The following CMTM6 variants were observed in gnomAD, a reference collection of about 807,000 sequenced individuals.
CMTM6 encodes the protein CKLF like MARVEL transmembrane domain containing 6.
CMTM6 carries 5 observed loss-of-function variants against 13.6 expected under a neutral mutation model. That is an observed-to-expected ratio of 0.37 (90% CI 0.19 to 0.77). The LOEUF (loss-of-function observed/expected upper bound fraction) is 0.77. Among genes scored for constraint, CMTM6 ranks in the 30% least tolerant of loss-of-function variants. The pLI is 0.50. For missense variants in CMTM6, 196 were observed against 218.6 expected, an observed-to-expected ratio of 0.90 and a Z score of 0.65; for synonymous variants, 99 against 84.5, an observed-to-expected ratio of 1.17 and a Z score of -0.94.
chr3:32,492,332 A>G (rs1697256648), intron 1 of CMTM6, among the ~76,000 whole-genome samples: 1 of 152,178 alleles, frequency 6.6e-6, no homozygotes, highest in Non-Finnish European at 1.5e-5. Flanking sequence ...TACAGACAAC[A>G]CACACCCCGA....
chr3:32,487,889 A>G (rs1559423956), intron 3 of CMTM6, 49 bp downstream of exon 3: 1 of 1,357,328 alleles, frequency 7.4e-7, no homozygotes. Flanking sequence ...CAAATTCCAT[A>G]TTTCTAAGGA....
intron 3 of CMTM6, 124 bp downstream of exon 3, chr3:32,487,814 T>C (rs1283354553): frequency 1.7e-6 from 1 of 594,598 alleles, no homozygotes; most frequent in Non-Finnish European, 2.9e-6. Flanking sequence ...TATTCAAAAT[T>C]ACACTAAAAA....
Position 32,502,818 on chromosome 3 carries a change from A to T in CMTM6, c.-73T>A. ...TTCTCGGACTCCAGAAGTCCCCGGT[A>T]GCCGGGAGGCGGCCGTCACTTCCTG... is the stretch of plus-strand genomic sequence containing the variant. On this transcript the variant is annotated 5_prime_UTR_variant, in exon 1 of 4. Coordinates refer to ENST00000205636, the MANE Select transcript of CMTM6 (RefSeq NM_017801.3). The T allele has an allele frequency of 4.4e-6, 6 of 1,353,980 alleles. No homozygotes were observed. Among genetic ancestry groups the T allele is most frequent in the Non-Finnish European group, 5.7e-6 (6 of 1,053,026 alleles). The allele number at this position is 1,353,980 out of a possible 1,614,324, so 83.9% of individuals were successfully genotyped here.
At chr3:32,502,557 GC>G (rs1559426732) in intron 1 of CMTM6, 50 bp downstream of exon 1, 3 of 1,556,684 alleles carry the variant, frequency 1.9e-6, no homozygotes, top group Non-Finnish European at 1.7e-6. Context: ...CCAAGCCCGG[GC>G]CAGACCCCGC....
intron 1 of CMTM6, among the ~76,000 whole-genome samples, chr3:32,494,833 T>G (rs1697276223): frequency 6.6e-6 from 1 of 152,120 alleles, no homozygotes; most frequent in South Asian, 2.1e-4. Flanking sequence ...GGCTAACAAA[T>G]TAGTGGCAGC....
chr3:32,502,783 C>T lies in CMTM6; in HGVS notation c.-38G>A, dbSNP rs568520192. 1.4e-6 allele frequency: 2 copies of T among 1,397,944 alleles called. No individual in the cohort carries two copies. Among genetic ancestry groups the T allele is most frequent in the South Asian group, 1.5e-5 (1 of 65,356 alleles). 86.6% of individuals were successfully genotyped at this position (1,397,944 alleles called of 1,614,324 possible). A position where few individuals can be genotyped will look rare whatever the true frequency, so the allele number is the denominator to read the frequency against. ...GGGAGCGCGGCGGCCGCAGCAACCG[C>T]GCCGTTGACTTCTCGGACTCCAGAA... On this transcript the variant is annotated 5_prime_UTR_variant, in exon 1 of 4. Coordinates refer to ENST00000205636, the MANE Select transcript of CMTM6 (RefSeq NM_017801.3).
At chr3:32,497,388 A>C (rs1697303790) in intron 1 of CMTM6, among the ~76,000 whole-genome samples, 1 of 119,400 alleles carries the variant, frequency 8.4e-6, no homozygotes. Context: ...GTCTCAAAAA[A>C]AAAAAAAAAA....
intron 3 of CMTM6, 74 bp downstream of exon 3, chr3:32,487,864 T>C (rs978894416): frequency 6.2e-5 from 64 of 1,033,046 alleles, no homozygotes; most frequent in Admixed American, 2.3e-5. Context: ...GCTGTATAAC[T>C]TGTCAAGTAC....
chr3:32,487,357 T>A (rs577122756), intron 3 of CMTM6, among the ~76,000 whole-genome samples: 36 of 152,110 alleles, frequency 2.4e-4, no homozygotes, highest in East Asian at 5.8e-4. Flanking sequence ...TTCTATTATT[T>A]TTTTTTTTCT....
At chr3:32,487,851 C>T in intron 3 of CMTM6, 87 bp downstream of exon 3, 1 of 831,358 alleles carries the variant, frequency 1.2e-6, no homozygotes, top group South Asian at 1.9e-5. Flanking sequence ...ACAACTCTAA[C>T]ATGCTGTATA....
intron 3 of CMTM6, among the ~76,000 whole-genome samples, chr3:32,485,475 G>A (rs1193267799): frequency 6.6e-6 from 1 of 151,782 alleles, no homozygotes; most frequent in Admixed American, 6.6e-5. Context: ...TTTCCCCACA[G>A]AATTTTATAG....
intron 3 of CMTM6, 120 bp from the exon 4 acceptor site, chr3:32,484,217 A>C (rs1697182398): frequency 4.3e-6 from 4 of 924,394 alleles, no homozygotes; most frequent in Non-Finnish European, 6.1e-6. Context: ...CTTATACACG[A>C]CTACTCTTTA....
At chr3:32,485,773 T>G (rs1409869190) in intron 3 of CMTM6, among the ~76,000 whole-genome samples, 1 of 152,232 alleles carries the variant, frequency 6.6e-6, no homozygotes, top group African/African-American at 2.4e-5. Context: ...GTCATATGAA[T>G]AGATAAATAT....
chr3:32,482,987 G>A lies in CMTM6; in HGVS notation c.*973C>T, dbSNP rs1456666017. The A allele has an allele frequency of 3.3e-5, 5 of 152,584 alleles. No homozygotes were observed. The highest frequency in any genetic ancestry group is 2.6e-4 in the Admixed American group (4 of 15,276). 9.5% of individuals were successfully genotyped at this position (152,584 alleles called of 1,614,324 possible). ...AAAGGCTGGTGTCCTAAAAAAAACAGATTGGCTTCAAAGAAAACACTAAGG... is the reference window on the plus strand; with the variant it reads ...AAAGGCTGGTGTCCTAAAAAAAACAAATTGGCTTCAAAGAAAACACTAAGG... On this transcript the variant is annotated 3_prime_UTR_variant, in exon 4 of 4. Coordinates refer to ENST00000205636, the MANE Select transcript of CMTM6 (RefSeq NM_017801.3).
chr3:32,497,199 T>C (rs886149085), intron 1 of CMTM6, among the ~76,000 whole-genome samples: 22 of 151,438 alleles, frequency 1.5e-4, no homozygotes, highest in Middle Eastern at 3.4e-3. Flanking sequence ...CTGGCTAACA[T>C]GGTGAAACCC....
chr3:32,495,989 A>C (rs2125658704), intron 1 of CMTM6, among the ~76,000 whole-genome samples: 1 of 152,140 alleles, frequency 6.6e-6, no homozygotes, highest in Non-Finnish European at 1.5e-5. Flanking sequence ...CCTTCTGGCC[A>C]ACCTGGTTCA....
At chr3:32,488,369 A>C (rs1332038257) in intron 2 of CMTM6, 1 of 162,812 alleles carries the variant, frequency 6.1e-6, no homozygotes, top group Non-Finnish European at 1.3e-5. Flanking sequence ...AAAAAAAGAA[A>C]AAAAAAAAAA....
chr3:32,498,529 C>G (rs1163157115), intron 1 of CMTM6, among the ~76,000 whole-genome samples: 1 of 151,450 alleles, frequency 6.6e-6, no homozygotes, highest in Admixed American at 6.6e-5. Context: ...TCTTACAGTT[C>G]TGGTGATTTA....
chr3:32,488,048 T>A lies in CMTM6; in HGVS notation c.316-12A>T. On this transcript the variant is annotated splice_polypyrimidine_tract_variant and intron_variant, in intron 2 of 3. Transcript: ENST00000205636. ...GTAATATAAAAATCCTATGCATACATACAAAACACAAAAGGAATACAATAC... is the reference window on the plus strand; with the variant it reads ...GTAATATAAAAATCCTATGCATACAAACAAAACACAAAAGGAATACAATAC... 1 of 1,540,212 alleles carries A rather than the reference T, an allele frequency of 6.5e-7. No individual in the cohort carries two copies. The highest frequency in any genetic ancestry group is 1.1e-5 in the South Asian group (1 of 88,238).
Sources: gnomAD v4.1 joint callset for allele counts (sites outside exome capture counted in the v4.1 genomes callset) on GRCh38, gnomAD v4.1.1 for gene constraint, MANE v1.5 for transcripts, NCBI Gene and HGNC (gene_info 2026-07-23, HGNC 2026-07-21) for gene names.